OCRL: variants seen among roughly 807,000 people sequenced by gnomAD.
The protein encoded by OCRL is inositol polyphosphate 5-phosphatase OCRL.
A neutral mutation model predicts 78.9 loss-of-function variants in OCRL; 8 were observed. The ratio of observed to expected loss-of-function variants is 0.10; its 90% CI spans 0.06 to 0.18. The LOEUF (loss-of-function observed/expected upper bound fraction) is 0.18. OCRL is among the 10% of genes least tolerant of loss of function. The pLI, the probability that OCRL is intolerant of heterozygous loss-of-function variation, is 1.00. For synonymous variants in OCRL, 240 were observed against 235.4 expected (o/e 1.02, Z -0.18); for missense variants, 454 against 696.7 (o/e 0.65, Z 3.92).
intron 4 of OCRL, among the ~76,000 whole-genome samples, chrX:129,548,906 G>C (rs898659569): frequency 1.8e-5 from 2 of 112,175 alleles, no homozygotes; most frequent in African/African-American, 3.2e-5. Flanking sequence ...ATTGATAATT[G>C]TAGGAAGGGC....
At chrX:129,560,036 G>A (rs759332485) in intron 8 of OCRL, among the ~76,000 whole-genome samples, 1 of 112,078 alleles carries the variant, frequency 8.9e-6, no homozygotes, top group South Asian at 3.7e-4. Flanking sequence ...TTATATTTGT[G>A]TGTAAACAGT....
At chrX:129,564,004 C>T (rs1435646309) in intron 12 of OCRL, among the ~76,000 whole-genome samples, 1 of 107,592 alleles carries the variant, frequency 9.3e-6, no homozygotes, top group African/African-American at 3.4e-5. Context: ...CCAGAATCTA[C>T]AATGAACTCA....
intron 14 of OCRL, among the ~76,000 whole-genome samples, chrX:129,568,138 G>A (rs5977107): frequency 5.5e-5 from 6 of 108,988 alleles, no homozygotes; most frequent in Non-Finnish European, 1.1e-4. Context: ...GGATGGTCTC[G>A]ATCTCCTGAC....
intron 16 of OCRL, chrX:129,575,683 G>A (rs1936359271): frequency 2.2e-6 from 1 of 458,373 alleles, no homozygotes; most frequent in African/African-American, 2.4e-5. Context: ...GTAGCCTGGA[G>A]AAGTAGCAAG....
chrX:129,569,150 C>G lies in OCRL; in HGVS notation c.1467-114C>G. 3.5e-6 allele frequency: 3 copies of G among 868,766 alleles called. 1 individual carries two copies. The highest frequency in any genetic ancestry group is 5.1e-6 in the Non-Finnish European group (3 of 589,274). The allele number at this position is 868,766 out of a possible 1,213,427, so 71.6% of individuals were successfully genotyped here. ...AGGGGTTGTTAGGGAAGGAGAAGTA[C>G]ACGGTTCTTTGGGAGCATGTAACAA... On this transcript the variant is annotated intron_variant, in intron 14 of 23. Coordinates refer to ENST00000371113, the MANE Select transcript of OCRL (RefSeq NM_000276.4).
chrX:129,574,369 A>T, intron 15 of OCRL, among the ~76,000 whole-genome samples: 1 of 112,741 alleles, frequency 8.9e-6, no homozygotes, highest in Non-Finnish European at 1.9e-5. Flanking sequence ...AAACACAGCT[A>T]TATCAGGAAG....
chrX:129,577,905 TG>T (rs957291005), intron 18 of OCRL, among the ~76,000 whole-genome samples: 5 of 112,215 alleles, frequency 4.5e-5, no homozygotes, highest in African/African-American at 6.5e-5. Context: ...ATGATGAAGT[TG>T]TTTTTCTTAT....
chrX:129,557,415 C>T lies in OCRL; in HGVS notation c.329C>T (p.Ala110Val). 1 of 1,206,126 alleles carries T rather than the reference C, an allele frequency of 8.3e-7. No individual in the cohort carries two copies. Among genetic ancestry groups the T allele is most frequent in the South Asian group, 1.8e-5 (1 of 56,793 alleles). Reference protein sequence around the residue: ...DEEHCLKFLSAVLAAQKAQSQ... With the variant: ...DEEHCLKFLSVVLAAQKAQSQ... Reference sequence around the variant, plus strand: ...GAACACTGTTTGAAGTTCCTCTCAGCTGTCCTTGCTGCTCAGAAAGGTAAC... The same window carrying T: ...GAACACTGTTTGAAGTTCCTCTCAGTTGTCCTTGCTGCTCAGAAAGGTAAC... Residue 110 changes from alanine to valine, a missense_variant, in exon 5 of 24, where the codon GCT becomes GTT. By Grantham distance (64) the Ala-to-Val change is moderately conservative (BLOSUM62 0). Transcript: ENST00000371113.
At chrX:129,557,206 A>C in intron 4 of OCRL, 119 bp from the exon 5 acceptor site, 2 of 588,813 alleles carry the variant, frequency 3.4e-6, no homozygotes, top group Non-Finnish European at 5.7e-6. Flanking sequence ...TTCCTATATT[A>C]GAGATCTGGA....
chrX:129,580,608 A>C (rs1420661693), intron 18 of OCRL, among the ~76,000 whole-genome samples: 1 of 112,259 alleles, frequency 8.9e-6, no homozygotes, highest in African/African-American at 3.2e-5. Context: ...GTAAATACGG[A>C]GATGAAAAAA....
At chrX:129,557,280 A>T (rs1183590432) in intron 4 of OCRL, 45 bp from the exon 5 acceptor site, 2 of 1,078,681 alleles carry the variant, frequency 1.9e-6, no homozygotes, top group Admixed American at 4.4e-5. Flanking sequence ...CCAGTAAAAC[A>T]TTTTATCCCA....
At chrX:129,585,131 G>A (rs1220888654) in intron 19 of OCRL, among the ~76,000 whole-genome samples, 1 of 112,534 alleles carries the variant, frequency 8.9e-6, no homozygotes, top group African/African-American at 3.2e-5. Flanking sequence ...TTAGAGTTCA[G>A]GATAATTTGT....
intron 18 of OCRL, among the ~76,000 whole-genome samples, chrX:129,583,341 A>G (rs1936469278): frequency 8.9e-6 from 1 of 112,002 alleles, no homozygotes; most frequent in South Asian, 3.8e-4. Context: ...CTCTCTGTCC[A>G]GGAAGCAGTC....
chrX:129,589,677 A>G, intron 22 of OCRL, 168 bp from the exon 23 acceptor site: 1 of 465,136 alleles, frequency 2.1e-6, no homozygotes, highest in Non-Finnish European at 3.8e-6. Flanking sequence ...CTTTGAAGTT[A>G]TAATTTGGAA....
chrX:129,575,068 A>G (rs1010051810), intron 15 of OCRL, 72 bp from the exon 16 acceptor site: 49 of 743,422 alleles, frequency 6.6e-5, no homozygotes, highest in Non-Finnish European at 1.0e-4. Context: ...CCAGTTTTAA[A>G]TTGTTAGATA....
At chrX:129,543,500 T>C (rs1935837503) in intron 2 of OCRL, among the ~76,000 whole-genome samples, 1 of 113,063 alleles carries the variant, frequency 8.8e-6, no homozygotes, top group South Asian at 3.6e-4. Context: ...TCCATCTGGG[T>C]TTATAGGACT....
chrX:129,558,495 A>G (rs1185203113), intron 6 of OCRL, 138 bp from the exon 7 acceptor site: 13 of 707,268 alleles, frequency 1.8e-5, no homozygotes, highest in Non-Finnish European at 2.6e-5. Context: ...CTCCAATCCA[A>G]GTAATTTCTA....
chrX:129,581,643 A>C (rs1002390572), intron 18 of OCRL, among the ~76,000 whole-genome samples: 8 of 105,785 alleles, frequency 7.6e-5, no homozygotes, highest in Non-Finnish European at 1.4e-4. Context: ...TTCATTTGTA[A>C]GTGTATGTAT....
At chrX:129,568,000 G>A (rs1196327204) in intron 14 of OCRL, among the ~76,000 whole-genome samples, 2 of 103,263 alleles carry the variant, frequency 1.9e-5, no homozygotes, top group Admixed American at 1.1e-4. Context: ...TGCAAGCTCC[G>A]CTTCCCGGGT....
Sources: allele counts gnomAD v4.1 joint callset (sites outside exome capture counted in the v4.1 genomes callset), GRCh38; gene constraint gnomAD v4.1.1; transcripts MANE v1.5; gene names NCBI Gene and HGNC (gene_info 2026-07-23, HGNC 2026-07-21).